The following EFCAB7 variants were observed in gnomAD, a reference collection of about 807,000 sequenced individuals.
EFCAB7 encodes the protein EF-hand calcium-binding domain-containing protein 7.
In EFCAB7, 66 loss-of-function variants were observed where a neutral mutation model predicts 77.1. That is an observed-to-expected ratio of 0.86 (90% CI 0.70 to 1.05). EFCAB7 has a LOEUF of 1.05. EFCAB7 is among the 50% of genes least tolerant of loss of function. The pLI, the probability that EFCAB7 is intolerant of heterozygous loss-of-function variation, is 0.00. For missense variants in EFCAB7, 638 were observed against 730.5 expected, an observed-to-expected ratio of 0.87 and a Z score of 1.46; for synonymous variants, 225 against 243.3, an observed-to-expected ratio of 0.92 and a Z score of 0.70.
chr1:63,555,316 A>T (rs72679089), intron 8 of EFCAB7, 42 bp from the exon 9 acceptor site: 4 of 1,564,988 alleles, frequency 2.6e-6, no homozygotes, highest in Non-Finnish European at 3.5e-6. Context: ...AGATGAAAAG[A>T]TTAAGACTGA....
chr1:63,525,452 T>C, intron 1 of EFCAB7, 120 bp from the exon 2 acceptor site: 1 of 734,960 alleles, frequency 1.4e-6, no homozygotes, highest in Non-Finnish European at 2.1e-6. Context: ...TTCATATATG[T>C]TATAAATTTT....
At chr1:63,527,274 A>G (rs1646609733) in intron 2 of EFCAB7, among the ~76,000 whole-genome samples, 1 of 152,192 alleles carries the variant, frequency 6.6e-6, no homozygotes, top group African/African-American at 2.4e-5. Flanking sequence ...GAGGATAACT[A>G]TACAGTGTTT....
intron 5 of EFCAB7, among the ~76,000 whole-genome samples, 154 bp downstream of exon 5, chr1:63,533,803 T>G (rs217453): frequency 0.35 from 53,239 of 151,974 alleles, 9,484 homozygotes; most frequent in East Asian, 0.48. Context: ...TGTAAAAATC[T>G]ATTGAAGTAA....
At chr1:63,551,666 G>A in intron 7 of EFCAB7, 59 bp from the exon 8 acceptor site, 1 of 713,614 alleles carries the variant, frequency 1.4e-6, no homozygotes, top group Non-Finnish European at 2.1e-6. Flanking sequence ...TTTTATATAG[G>A]AAAGAATAGA....
At chr1:63,570,966 T>C in intron 12 of EFCAB7, 55 bp from the exon 13 acceptor site, 1 of 1,281,278 alleles carries the variant, frequency 7.8e-7, no homozygotes, top group South Asian at 1.3e-5. Flanking sequence ...AGGCTTATAT[T>C]TGTCTGTAAT....
chr1:63,537,714 A>G (rs1235457873), intron 6 of EFCAB7, among the ~76,000 whole-genome samples: 1 of 152,194 alleles, frequency 6.6e-6, no homozygotes, highest in Non-Finnish European at 1.5e-5. Context: ...AATAACAAAA[A>G]GTGCAACAAC....
chr1:63,553,484 C>T (rs982855956), intron 8 of EFCAB7, among the ~76,000 whole-genome samples: 14 of 152,144 alleles, frequency 9.2e-5, no homozygotes, highest in African/African-American at 2.4e-4. Context: ...GGACTACAGG[C>T]GTGTGCCACC....
intron 7 of EFCAB7, chr1:63,549,851 GAAATT>G (rs1362397804): frequency 6.3e-6 from 1 of 159,068 alleles, no homozygotes; most frequent in Non-Finnish European, 1.4e-5. Flanking sequence ...ACATTATACT[GAAATT>G]AAATGTTTAT....
intron 7 of EFCAB7, chr1:63,548,077 C>T (rs999634951): frequency 5.3e-5 from 8 of 152,262 alleles, no homozygotes; most frequent in African/African-American, 1.9e-4. Context: ...AGGGAGTAAG[C>T]CTTGTGGGTG....
chr1:63,552,802 A>C (rs1646982370), intron 8 of EFCAB7, among the ~76,000 whole-genome samples: 1 of 152,228 alleles, frequency 6.6e-6, no homozygotes, highest in Non-Finnish European at 1.5e-5. Flanking sequence ...GTTATATAAA[A>C]GTCTTTTTTG....
At position 63,533,459 on chromosome 1, in the gene EFCAB7, T is replaced by A; in HGVS notation, c.492T>A (p.Cys164Ter). 6.3e-7 allele frequency: 1 copy of A among 1,597,968 alleles called. No individual in the cohort carries two copies. The highest frequency in any genetic ancestry group is 8.5e-7 in the Non-Finnish European group (1 of 1,175,788). ...ADGKFDYIKF[C>*]KLYMTTNEQC... is the part of the protein sequence containing the mutation. ...GGACTTTTTTTTTCCTGTAGTTTTG[T>A]AAATTATATATGACAACCAACGAGC... The change falls in exon 5 of 14, where the codon TGT (cysteine) becomes TGA (stop). Residue 164 changes from cysteine to a stop codon, truncating the protein, a stop_gained. Transcript: ENST00000371088. LOFTEE classifies it high-confidence loss of function.
chr1:63,547,830 G>A (rs1435276630), intron 7 of EFCAB7: 2 of 152,198 alleles, frequency 1.3e-5, no homozygotes, highest in Non-Finnish European at 2.9e-5. Context: ...TAATCCTTCA[G>A]TAAACTAGCC....
chr1:63,566,138 A>T (rs1324354776), intron 11 of EFCAB7, among the ~76,000 whole-genome samples: 3 of 152,212 alleles, frequency 2.0e-5, no homozygotes, highest in African/African-American at 7.2e-5. Context: ...AAAAGTGGTA[A>T]ATATACACCA....
downstream of EFCAB7, among the ~76,000 whole-genome samples, chr1:63,577,354 A>T (rs1268271128): frequency 6.6e-6 from 1 of 152,238 alleles, no homozygotes; most frequent in African/African-American, 2.4e-5. Context: ...ATTGAATACA[A>T]GAGTAAGCAA....
At chr1:63,527,338 G>A (rs371278080) in intron 2 of EFCAB7, among the ~76,000 whole-genome samples, 49 of 152,152 alleles carry the variant, frequency 3.2e-4, no homozygotes, top group Non-Finnish European at 6.3e-4. Flanking sequence ...CTCTCTTAAC[G>A]TTGTAATAAT....
At chr1:63,570,868 A>G (rs1647236261) in intron 12 of EFCAB7, 153 bp from the exon 13 acceptor site, 1 of 446,254 alleles carries the variant, frequency 2.2e-6, no homozygotes, top group Non-Finnish European at 4.0e-6. Context: ...TCAATGAGAA[A>G]AAGTAACAAA....
chr1:63,537,530 A>G (rs1646777688), intron 6 of EFCAB7, among the ~76,000 whole-genome samples: 1 of 152,152 alleles, frequency 6.6e-6, no homozygotes, highest in East Asian at 1.9e-4. Flanking sequence ...CAAATGGTTC[A>G]TTATCTGTTT....
chr1:63,554,109 C>T (rs958751360), intron 8 of EFCAB7, among the ~76,000 whole-genome samples: 6 of 152,110 alleles, frequency 3.9e-5, no homozygotes, highest in African/African-American at 1.2e-4. Context: ...AGGTATGAGC[C>T]ACCGTGTCTG....
intron 10 of EFCAB7, among the ~76,000 whole-genome samples, chr1:63,560,517 T>C (rs999233338): frequency 4.2e-4 from 58 of 139,624 alleles, no homozygotes; most frequent in Non-Finnish European, 2.5e-4. Flanking sequence ...CTTAACTTTT[T>C]TTTTTTTTTT....
Sources: gnomAD v4.1 joint callset for allele counts (sites outside exome capture counted in the v4.1 genomes callset) on GRCh38, gnomAD v4.1.1 for gene constraint, MANE v1.5 for transcripts, NCBI Gene and HGNC (gene_info 2026-07-23, HGNC 2026-07-21) for gene names.